The following HTR4 variants were observed in gnomAD, a reference collection of about 807,000 sequenced individuals.
The protein encoded by HTR4 is 5-hydroxytryptamine receptor 4.
In HTR4, 16 loss-of-function variants were observed where a neutral mutation model predicts 36.8. That is an observed-to-expected ratio of 0.43 (90% confidence interval 0.29 to 0.66). HTR4 has a LOEUF of 0.66. Among genes scored for constraint, HTR4 ranks in the 30% least tolerant of loss-of-function variants. The pLI is 0.13. For synonymous variants in HTR4, 189 were observed against 185.1 expected, an observed-to-expected ratio of 1.02 and a Z score of -0.17; for missense variants, 438 against 490.9, an observed-to-expected ratio of 0.89 and a Z score of 1.02.
At chr5:148,512,043 T>C (rs1469265970) in intron 5 of HTR4, among the ~76,000 whole-genome samples, 1 of 152,226 alleles carries the variant, frequency 6.6e-6, no homozygotes, top group African/African-American at 2.4e-5. Flanking sequence ...AGACTGAGTT[T>C]CTGCATCTGT....
downstream of HTR4, among the ~76,000 whole-genome samples, chr5:148,471,813 G>T (rs796810016): frequency 1.6e-4 from 25 of 152,302 alleles, no homozygotes; most frequent in African/African-American, 6.0e-4. Flanking sequence ...CATATGTCCA[G>T]ATTTTTAGGG....
Position 148,654,447 on chromosome 5 carries a change from G to C in HTR4, c.-433C>G. ...TGCCGGCAGGGCGCACAGGGGAGTG[G>C]GCACAGAGGCGGGCTGGAGCGATCT... On this transcript the variant is annotated 5_prime_UTR_variant, in exon 1 of 7. Transcript: ENST00000377888. 1 of 985,500 alleles carries C rather than the reference G, an allele frequency of 1.0e-6. No homozygotes were observed. The highest frequency in any genetic ancestry group is 1.2e-6 in the Non-Finnish European group (1 of 829,996). The allele number at this position is 985,500 out of a possible 1,614,324, so 61.0% of individuals were successfully genotyped here. A position where few individuals can be genotyped will look rare whatever the true frequency, so the allele number is the denominator to read the frequency against.
chr5:148,520,935 TG>T, intron 5 of HTR4: 1 of 1,367,836 alleles, frequency 7.3e-7, no homozygotes, highest in Non-Finnish European at 9.8e-7. Flanking sequence ...ATGAAAATCC[TG>T]GCCCAGGCCT....
intron 6 of HTR4, among the ~76,000 whole-genome samples, chr5:148,496,259 T>C (rs983564687): frequency 5.3e-5 from 8 of 152,086 alleles, no homozygotes; most frequent in African/African-American, 1.9e-4. Context: ...TTAGTAAAAA[T>C]GTCATTTACA....
At chr5:148,474,499 A>G (rs10062444), downstream of HTR4, among the ~76,000 whole-genome samples, 16,048 of 152,150 alleles carry the variant, frequency 0.11, 1,566 homozygotes, top group African/African-American at 0.26. Context: ...ATACGGAGAA[A>G]GACTAAATCG....
intron 1 of HTR4, among the ~76,000 whole-genome samples, chr5:148,651,235 C>T (rs1754025913): frequency 6.6e-6 from 1 of 152,144 alleles, no homozygotes; most frequent in Admixed American, 6.5e-5. Flanking sequence ...CTTCCAAATG[C>T]TTCTCAACCT....
intron 5 of HTR4, among the ~76,000 whole-genome samples, chr5:148,466,720 T>C (rs750074989): frequency 6.6e-6 from 1 of 152,242 alleles, no homozygotes; most frequent in Non-Finnish European, 1.5e-5. Context: ...TAAGTCATGT[T>C]CATCATATAT....
At chr5:148,521,303 C>T (rs761571011) in intron 5 of HTR4, among the ~76,000 whole-genome samples, 1 of 152,110 alleles carries the variant, frequency 6.6e-6, no homozygotes, top group Non-Finnish European at 1.5e-5. Context: ...TTTAGTCAAG[C>T]ATTATTCTGG....
intron 4 of HTR4, among the ~76,000 whole-genome samples, chr5:148,537,903 A>T (rs1758909762): frequency 6.6e-6 from 1 of 152,190 alleles, no homozygotes; most frequent in South Asian, 2.1e-4. Context: ...CATCGTCTTG[A>T]TACCAACACC....
intron 2 of HTR4, among the ~76,000 whole-genome samples, chr5:148,611,284 C>T (rs182310264): frequency 0.052 from 7,868 of 151,652 alleles, 446 homozygotes; most frequent in African/African-American, 0.14. Flanking sequence ...AGAGAAAGGT[C>T]GGGTTACTCT....
intron 6 of HTR4, among the ~76,000 whole-genome samples, chr5:148,487,566 C>T (rs1251742844): frequency 6.6e-6 from 1 of 152,116 alleles, no homozygotes; most frequent in Non-Finnish European, 1.5e-5. Context: ...GGTAGGAGGG[C>T]AGGAGTGAGC....
At chr5:148,608,760 AC>A (rs1259541118) in intron 2 of HTR4, among the ~76,000 whole-genome samples, 1 of 152,222 alleles carries the variant, frequency 6.6e-6, no homozygotes, top group Non-Finnish European at 1.5e-5. Flanking sequence ...CCTTAGTGTG[AC>A]CAACAAGGAG....
chr5:148,522,755 A>G (rs1397071104), intron 5 of HTR4, among the ~76,000 whole-genome samples: 1 of 152,124 alleles, frequency 6.6e-6, no homozygotes, highest in South Asian at 2.1e-4. Flanking sequence ...AAAATTACCA[A>G]TAGAAAACAT....
chr5:148,464,229 A>C (rs1020962330), intron 5 of HTR4, among the ~76,000 whole-genome samples: 3 of 152,124 alleles, frequency 2.0e-5, no homozygotes, highest in Non-Finnish European at 4.4e-5. Flanking sequence ...TCATGAAAGA[A>C]ATAATTGATG....
intron 6 of HTR4, chr5:148,490,632 C>T (rs1756374220): frequency 1.7e-6 from 2 of 1,170,934 alleles, no homozygotes; most frequent in African/African-American, 1.6e-5. Context: ...AATGAACATT[C>T]AGTTCTTCCA....
At chr5:148,547,879 T>C (rs1250578280) in intron 4 of HTR4, among the ~76,000 whole-genome samples, 1 of 152,184 alleles carries the variant, frequency 6.6e-6, no homozygotes, top group Admixed American at 6.5e-5. Flanking sequence ...CACCCCACAT[T>C]TTTCTGAGAG....
intron 1 of HTR4, among the ~76,000 whole-genome samples, chr5:148,641,418 A>T (rs1753725527): frequency 6.6e-6 from 1 of 152,182 alleles, no homozygotes; most frequent in Non-Finnish European, 1.5e-5. Context: ...CTTCGGAGAA[A>T]CAGTCCTAGA....
At position 148,481,798 on chromosome 5, in the gene HTR4, G is replaced by A; in HGVS notation, c.*1405C>T. ...ACCTTCCCGGGACTTCTGCTATGGG[G>A]CATTCGCAAGAGCCACTGACTCAGC... is the stretch of plus-strand genomic sequence containing the variant. On this transcript the variant is annotated 3_prime_UTR_variant, in exon 7 of 7. Coordinates refer to ENST00000377888, the MANE Select transcript of HTR4 (RefSeq NM_000870.7). 1.5e-6 allele frequency: 2 copies of A among 1,364,260 alleles called. No individual in the cohort carries two copies. Among genetic ancestry groups the A allele is most frequent in the Non-Finnish European group, 1.9e-6 (2 of 1,066,076 alleles). The allele number at this position is 1,364,260 out of a possible 1,614,324, so 84.5% of individuals were successfully genotyped here. A position where few individuals can be genotyped will look rare whatever the true frequency, so the allele number is the denominator to read the frequency against.
chr5:148,452,519 G>A (rs1310725533), intron 5 of HTR4, among the ~76,000 whole-genome samples: 1 of 152,188 alleles, frequency 6.6e-6, no homozygotes, highest in Non-Finnish European at 1.5e-5. Context: ...ATGCTGATCA[G>A]TGTTGTACGA....
Sources: gnomAD v4.1 joint callset for allele counts (sites outside exome capture counted in the v4.1 genomes callset) on GRCh38, gnomAD v4.1.1 for gene constraint, MANE v1.5 for transcripts, NCBI Gene and HGNC (gene_info 2026-07-23, HGNC 2026-07-21) for gene names.